Variants in C14orf93 observed in about 807,000 individuals in gnomAD.
C14orf93 encodes the protein chromosome 14 open reading frame 93.
A neutral mutation model predicts 44.0 loss-of-function variants in C14orf93; 23 were observed. The ratio of observed to expected loss-of-function variants is 0.52; its 90% CI spans 0.38 to 0.74. The LOEUF is 0.74. C14orf93 is among the 30% of genes least tolerant of loss of function. The pLI is 0.00. For synonymous variants in C14orf93, 253 were observed against 265.7 expected (o/e 0.95, Z 0.46); for missense variants, 579 against 678.9 (o/e 0.85, Z 1.64).
chr14:23,004,553 T>C (rs1428967009), intron 1 of C14orf93, among the ~76,000 whole-genome samples: 1 of 152,192 alleles, frequency 6.6e-6, no homozygotes, highest in East Asian at 1.9e-4. Flanking sequence ...TCTCTACCTA[T>C]AAGGCACTTA....
chr14:22,998,997 G>T lies in C14orf93; in HGVS notation c.27C>A (p.Phe9Leu), dbSNP rs772268895. 3.1e-6 allele frequency: 5 copies of T among 1,612,160 alleles called. No individual in the cohort carries two copies. Among genetic ancestry groups the T allele is most frequent in the Non-Finnish European group, 4.2e-6 (5 of 1,179,758 alleles). Residue 9 changes from phenylalanine to leucine, a missense_variant, in exon 2 of 7, where the codon TTC becomes TTA. Transcript: ENST00000299088. ...TGGCCTCGCTGCCACTGGGAGGGGA[G>T]AAGAGAATGGTGGCACTGAAGGACA... The part of the protein sequence containing the change: MSFSATIL[F>L]SPPSGSEARC...
chr14:22,987,119 T>A lies in C14orf93; in HGVS notation c.*96A>T. On this transcript the variant is annotated 3_prime_UTR_variant, in exon 7 of 7. Transcript: ENST00000299088. This position sits in a 1 kb window ranked among gnomAD's most constrained non-coding sequence, Gnocchi z 5.6. The stretch of plus-strand genomic sequence containing the variant: ...AAGAGGCAAATTTGCTTTCTCAGAC[T>A]GCACAGAGCATCTCATTATTTTGTG... 1.4e-5 allele frequency: 19 copies of A among 1,334,430 alleles called. No individual in the cohort carries two copies. The highest frequency in any genetic ancestry group is 1.9e-5 in the Non-Finnish European group (19 of 988,346). The allele number at this position is 1,334,430 out of a possible 1,614,324, so 82.7% of individuals were successfully genotyped here. A position where few individuals can be genotyped will look rare whatever the true frequency, so the allele number is the denominator to read the frequency against.
At position 22,999,185 on chromosome 14, in the gene C14orf93, A is replaced by G. The variant is rs2046170173; in HGVS notation, c.-162T>C. 4 of 1,141,882 alleles carry G rather than the reference A, an allele frequency of 3.5e-6. No homozygotes were observed. Among genetic ancestry groups the G allele is most frequent in the Non-Finnish European group, 4.8e-6 (4 of 830,040 alleles). The allele number at this position is 1,141,882 out of a possible 1,614,324, so 70.7% of individuals were successfully genotyped here. ...TGAAAGAAGAGTAAACAAGCCATGA[A>G]GAAGCACACAGTCCATGGCGGCCTC... On this transcript the variant is annotated 5_prime_UTR_variant, in exon 2 of 7. Coordinates refer to ENST00000299088, the MANE Select transcript of C14orf93 (RefSeq NM_021944.4).
intron 5 of C14orf93, among the ~76,000 whole-genome samples, chr14:22,989,486 A>G (rs573526691): frequency 6.6e-6 from 1 of 152,354 alleles, no homozygotes; most frequent in Non-Finnish European, 1.5e-5. Context: ...CAAGACCTGC[A>G]TAAACAGAAT....
At chr14:22,988,581 G>T (rs1344076301) in intron 5 of C14orf93, among the ~76,000 whole-genome samples, 1 of 152,040 alleles carries the variant, frequency 6.6e-6, no homozygotes, top group African/African-American at 2.4e-5. Flanking sequence ...CATGCTCACT[G>T]CAGCCTCCAA....
intron 3 of C14orf93, among the ~76,000 whole-genome samples, chr14:22,991,632 G>A (rs1425681358): frequency 1.3e-5 from 2 of 149,696 alleles, no homozygotes; most frequent in African/African-American, 2.5e-5. Flanking sequence ...GTGCAATGGC[G>A]GGATCTCGGC....
chr14:23,003,450 T>C (rs1161197454), intron 1 of C14orf93, among the ~76,000 whole-genome samples: 1 of 152,134 alleles, frequency 6.6e-6, no homozygotes, highest in Non-Finnish European at 1.5e-5. Context: ...GATAAATGAC[T>C]CAAAACAAAA....
chr14:23,004,400 C>T (rs145994211), intron 1 of C14orf93, among the ~76,000 whole-genome samples: 10 of 151,830 alleles, frequency 6.6e-5, no homozygotes, highest in Non-Finnish European at 8.8e-5. Flanking sequence ...TCAAGTGATC[C>T]GCCCACCTTG....
chr14:23,006,038 T>C (rs1423216108), intron 1 of C14orf93: 3 of 152,090 alleles, frequency 2.0e-5, no homozygotes, highest in African/African-American at 7.3e-5. Flanking sequence ...ACTCAGATGA[T>C]ATATGTTTTT....
intron 5 of C14orf93, 86 bp from the exon 6 acceptor site, chr14:22,988,101 A>G (rs1318857556): frequency 2.4e-6 from 2 of 850,026 alleles, no homozygotes; most frequent in Non-Finnish European, 3.8e-6. Flanking sequence ...ACACTATTGA[A>G]TGGGAGGTTG....
intron 1 of C14orf93, chr14:23,006,087 T>C (rs1047957615): frequency 5.9e-5 from 9 of 152,222 alleles, no homozygotes; most frequent in African/African-American, 2.2e-4. Flanking sequence ...ATGCTAGCAA[T>C]AGACTTCCTT....
intron 1 of C14orf93, among the ~76,000 whole-genome samples, chr14:23,007,371 C>T (rs1463289492): frequency 1.3e-5 from 2 of 152,216 alleles, no homozygotes; most frequent in African/African-American, 2.4e-5. Flanking sequence ...TGTTTACTTG[C>T]TTTTGTTCTC....
At chr14:23,000,236 A>G (rs1266370093) in intron 1 of C14orf93, 2 of 152,226 alleles carry the variant, frequency 1.3e-5, no homozygotes, top group African/African-American at 4.8e-5. Flanking sequence ...AAAAAGGGGT[A>G]AAGAAGTTGA....
At chr14:23,009,659 T>G (rs2046786075) in intron 1 of C14orf93, among the ~76,000 whole-genome samples, 1 of 148,152 alleles carries the variant, frequency 6.7e-6, no homozygotes, top group African/African-American at 2.5e-5. Flanking sequence ...TCTGGGGGGG[T>G]GGGTGTGTAA....
At chr14:23,007,839 A>C (rs761487036) in intron 1 of C14orf93, among the ~76,000 whole-genome samples, 3 of 152,156 alleles carry the variant, frequency 2.0e-5, no homozygotes, top group Non-Finnish European at 4.4e-5. Context: ...AGAGCTAAAA[A>C]GGGTAAAACT....
rs2045506936 is a variant in C14orf93 at position 22,990,128 on chromosome 14, C to G, written c.919-1G>C. The G allele has an allele frequency of 6.2e-7, 1 of 1,611,762 alleles. No individual in the cohort carries two copies. The highest frequency in any genetic ancestry group is 8.5e-7 in the Non-Finnish European group (1 of 1,178,826). On this transcript the variant is annotated splice_acceptor_variant, in intron 3 of 6. Transcript: ENST00000299088. LOFTEE classifies it high-confidence loss of function. ...GGTTATGCACATTGTGGACCAGTTT[C>G]TAGGAGGAAAAAAAGAAAACACAAT...
At chr14:22,989,943 C>T in intron 4 of C14orf93, 98 bp from the exon 5 acceptor site, 3 of 1,447,684 alleles carry the variant, frequency 2.1e-6, no homozygotes, top group Non-Finnish European at 2.9e-6. Flanking sequence ...CAAATCCCTC[C>T]ACAGCCTAAG....
chr14:23,000,714 C>CA (rs758471653), intron 1 of C14orf93, among the ~76,000 whole-genome samples: 1,079 of 54,478 alleles, frequency 0.02, 16 homozygotes, highest in African/African-American at 0.033. Flanking sequence ...GACTCCACCT[C>CA]AAAAAAAAAA....
chr14:22,986,828 G>T lies in C14orf93; in HGVS notation c.*387C>A. 2 of 227,330 alleles carry T rather than the reference G, an allele frequency of 8.8e-6. No homozygotes were observed. The highest frequency in any genetic ancestry group is 8.8e-6 in the Non-Finnish European group (1 of 114,158). 14.1% of individuals were successfully genotyped at this position (227,330 alleles called of 1,614,324 possible). A position where few individuals can be genotyped will look rare whatever the true frequency, so the allele number is the denominator to read the frequency against. ...ACAAGTAGTCACAGGGAAGCAAAAG[G>T]TACAACCTGGGCTGCTTCCTCAGAG... is the stretch of plus-strand genomic sequence containing the variant. On this transcript the variant is annotated 3_prime_UTR_variant, in exon 7 of 7. Transcript: ENST00000299088.
Sources: allele counts gnomAD v4.1 joint callset (sites outside exome capture counted in the v4.1 genomes callset), GRCh38; gene constraint gnomAD v4.1.1; non-coding constraint Gnocchi (gnomAD v3.1); transcripts MANE v1.5; gene names NCBI Gene and HGNC (gene_info 2026-07-23, HGNC 2026-07-21).